SYT1: variants seen among roughly 807,000 people sequenced by gnomAD.
The protein encoded by SYT1 is synaptotagmin 1, also known as synaptotagmin-1.
A neutral mutation model predicts 44.8 loss-of-function variants in SYT1; 8 were observed. The observed-to-expected ratio is 0.18, with a 90% CI of 0.10 to 0.32. SYT1 has a LOEUF of 0.32. SYT1 is among the 10% of genes least tolerant of loss of function. The probability of loss-of-function intolerance (pLI) is 1.00; values close to 1 mark genes in which losing one functional copy is unlikely to be tolerated. For missense variants in SYT1, 286 were observed against 509.3 expected (o/e 0.56, Z 4.22); for synonymous variants, 154 against 188.8 (o/e 0.82, Z 1.51).
rs1243902646 is a variant in SYT1 at position 79,314,155 on chromosome 12, C to T, written c.810+14604C>T. On this transcript the variant is annotated intron_variant, in intron 8 of 10. Transcript: ENST00000261205. The stretch of plus-strand genomic sequence containing the variant: ...CTGCACTCCAGCCTGGGCGACAGAG[C>T]GAGACTCCGTCTCAAAAAAAAAAAA... 8.7e-5 allele frequency among the ~76,000 whole-genome samples: 10 copies of T among 114,500 alleles called. No homozygotes were observed. In the East Asian group the frequency reaches 1.5e-3, roughly 17 times the overall value. 75.1% of individuals were successfully genotyped at this position (114,500 alleles called of 152,430 possible). A position where few individuals can be genotyped will look rare whatever the true frequency, so the allele number is the denominator to read the frequency against.
chr12:79,433,970 C>T (rs891335793), intron 9 of SYT1, among the ~76,000 whole-genome samples: 7 of 152,188 alleles, frequency 4.6e-5, no homozygotes, highest in Non-Finnish European at 8.8e-5. Flanking sequence ...GTATATGCAT[C>T]CCTACATTTT....
intron 2 of SYT1, among the ~76,000 whole-genome samples, chr12:79,023,399 A>G (rs1029533231): frequency 6.6e-6 from 1 of 151,786 alleles, no homozygotes; most frequent in Non-Finnish European, 1.5e-5. Context: ...GTAACACATG[A>G]CATTTCTGGG....
At chr12:79,277,360 G>A (rs1053601873) in intron 4 of SYT1, among the ~76,000 whole-genome samples, 2 of 152,084 alleles carry the variant, frequency 1.3e-5, no homozygotes, top group Non-Finnish European at 2.9e-5. Flanking sequence ...TTGGGGTCTT[G>A]TCTTTAGTCT....
intron 9 of SYT1, among the ~76,000 whole-genome samples, chr12:79,427,626 C>T (rs564735951): frequency 2.0e-5 from 3 of 152,236 alleles, no homozygotes; most frequent in South Asian, 2.1e-4. Context: ...GTAAACTCTG[C>T]TTTAGAATGA....
chr12:79,016,559 A>G (rs1037731579), intron 2 of SYT1, among the ~76,000 whole-genome samples: 4 of 152,156 alleles, frequency 2.6e-5, no homozygotes, highest in Non-Finnish European at 4.4e-5. Flanking sequence ...TAAGGGCGCC[A>G]GTGTCAGAAA....
At chr12:79,032,867 T>C (rs964136547) in intron 2 of SYT1, among the ~76,000 whole-genome samples, 10 of 151,186 alleles carry the variant, frequency 6.6e-5, no homozygotes, top group African/African-American at 9.7e-5. Flanking sequence ...ACCACAATGA[T>C]GACATTGAAA....
intron 3 of SYT1, among the ~76,000 whole-genome samples, chr12:79,197,653 T>C (rs1268170846): frequency 6.6e-6 from 1 of 152,208 alleles, no homozygotes; most frequent in African/African-American, 2.4e-5. Context: ...TGTTAGCCTA[T>C]TCTTAATAAT....
intron 3 of SYT1, among the ~76,000 whole-genome samples, chr12:79,161,504 T>C (rs1870947977): frequency 6.6e-6 from 1 of 152,160 alleles, no homozygotes; most frequent in Admixed American, 6.6e-5. Context: ...TCAGACTGTA[T>C]TCCATCGTTG....
At chr12:79,349,109 AGGAGGAAG>A (rs1338109171) in intron 8 of SYT1, among the ~76,000 whole-genome samples, 2 of 150,084 alleles carry the variant, frequency 1.3e-5, no homozygotes, top group Non-Finnish European at 3.0e-5. Context: ...ACGGACAAAC[AGGAGGAAG>A]GGAGGAAGGT....
At chr12:79,224,332 A>C (rs1226364045) in intron 4 of SYT1, among the ~76,000 whole-genome samples, 1 of 152,220 alleles carries the variant, frequency 6.6e-6, no homozygotes, top group Non-Finnish European at 1.5e-5. Context: ...AATAAAGAGG[A>C]AAATATATAT....
chr12:79,430,428 C>A (rs1869707893), intron 9 of SYT1, among the ~76,000 whole-genome samples: 1 of 152,184 alleles, frequency 6.6e-6, no homozygotes, highest in South Asian at 2.1e-4. Flanking sequence ...ACTATAAGTT[C>A]TTTGAAGAAC....
At chr12:79,084,507 G>A (rs1270812978) in intron 3 of SYT1, among the ~76,000 whole-genome samples, 1 of 151,908 alleles carries the variant, frequency 6.6e-6, no homozygotes, top group Non-Finnish European at 1.5e-5. Context: ...TAAATCTGAG[G>A]TCCAGATTAA....
chr12:79,306,531 G>C (rs1880406356), intron 8 of SYT1, among the ~76,000 whole-genome samples: 1 of 152,156 alleles, frequency 6.6e-6, no homozygotes, highest in Non-Finnish European at 1.5e-5. Context: ...TTTATATTCT[G>C]ATTCTGTCCT....
At chr12:79,062,948 G>A (rs1875498177) in intron 3 of SYT1, among the ~76,000 whole-genome samples, 1 of 152,128 alleles carries the variant, frequency 6.6e-6, no homozygotes, top group East Asian at 1.9e-4. Context: ...ACTCTGAGAA[G>A]TTAAGTGACT....
chr12:79,288,762 G>T (rs1161813500), intron 5 of SYT1, among the ~76,000 whole-genome samples: 1 of 152,078 alleles, frequency 6.6e-6, no homozygotes, highest in Non-Finnish European at 1.5e-5. Context: ...TAATGTGTGT[G>T]GATATTTTAA....
chr12:79,411,243 CCAGA>C (rs1282375784), intron 9 of SYT1, among the ~76,000 whole-genome samples: 3 of 152,088 alleles, frequency 2.0e-5, no homozygotes, highest in African/African-American at 7.2e-5. Flanking sequence ...ACATGAGGCT[CCAGA>C]CAATGAAGAG....
chr12:79,377,271 C>T (rs1463596017), intron 9 of SYT1, among the ~76,000 whole-genome samples: 3 of 152,102 alleles, frequency 2.0e-5, no homozygotes. Flanking sequence ...GCCACCATGC[C>T]CGGCTAATTT....
chr12:79,429,555 G>GTCTCAC (rs1869652774), intron 9 of SYT1, among the ~76,000 whole-genome samples: 1 of 151,844 alleles, frequency 6.6e-6, no homozygotes, highest in African/African-American at 2.4e-5. Flanking sequence ...TTGAGCTGGA[G>GTCTCAC]TCTCACTCTG....
At chr12:78,931,234 A>AGAAAGAAAGAAG (rs1877662643) in intron 1 of SYT1, among the ~76,000 whole-genome samples, 1 of 51,418 alleles carries the variant, frequency 1.9e-5, no homozygotes, top group Non-Finnish European at 3.2e-5. Context: ...AAAGAAAGAA[A>AGAAAGAAAGAAG]GAAAGAAGGA....
Sources: allele counts gnomAD v4.1 joint callset (sites outside exome capture counted in the v4.1 genomes callset), GRCh38; gene constraint gnomAD v4.1.1; transcripts MANE v1.5; gene names NCBI Gene and HGNC (gene_info 2026-07-23, HGNC 2026-07-21).